The following RABGAP1L variants were observed in gnomAD, a reference collection of about 807,000 sequenced individuals.
The protein encoded by RABGAP1L is rab GTPase-activating protein 1-like.
In RABGAP1L, 63 loss-of-function variants were observed where a neutral mutation model predicts 137.7. The observed-to-expected ratio is 0.46, with a 90% confidence interval of 0.37 to 0.56. RABGAP1L has a LOEUF of 0.56. Among genes scored for constraint, RABGAP1L ranks in the 20% least tolerant of loss-of-function variants. The probability of loss-of-function intolerance (pLI) is 0.00; values close to 1 mark genes in which losing one functional copy is unlikely to be tolerated. For synonymous variants in RABGAP1L, 431 were observed against 433.7 expected, an observed-to-expected ratio of 0.99 and a Z score of 0.08; for missense variants, 1,095 against 1,244.0, an observed-to-expected ratio of 0.88 and a Z score of 1.80.
intron 13 of RABGAP1L, among the ~76,000 whole-genome samples, chr1:174,442,408 C>A (rs1037856091): frequency 6.6e-6 from 1 of 152,014 alleles, no homozygotes; most frequent in East Asian, 1.9e-4. Context: ...ATGTATCTTA[C>A]AAACGTCTCA....
chr1:174,327,998 T>C (rs867985810), intron 11 of RABGAP1L, among the ~76,000 whole-genome samples: 50 of 90,102 alleles, frequency 5.5e-4, no homozygotes, highest in Admixed American at 1.2e-3. Flanking sequence ...TATATATATA[T>C]ATATATATAT....
At chr1:174,623,311 C>G (rs921540613) in intron 13 of RABGAP1L, among the ~76,000 whole-genome samples, 1 of 152,142 alleles carries the variant, frequency 6.6e-6, no homozygotes, top group African/African-American at 2.4e-5. Flanking sequence ...TTTGTGGAGT[C>G]TAACCAACAG....
At chr1:174,771,244 C>A (rs1337201578) in intron 18 of RABGAP1L, among the ~76,000 whole-genome samples, 1 of 152,202 alleles carries the variant, frequency 6.6e-6, no homozygotes, top group African/African-American at 2.4e-5. Context: ...AATCATCTAA[C>A]CTTTTAACAC....
At chr1:174,922,909 C>T (rs1023763747) in intron 19 of RABGAP1L, among the ~76,000 whole-genome samples, 13 of 152,160 alleles carry the variant, frequency 8.5e-5, no homozygotes, top group African/African-American at 3.1e-4. Flanking sequence ...CACAGTGGCT[C>T]ATGCCTAGAA....
At chr1:174,849,022 C>G (rs937638595) in intron 19 of RABGAP1L, among the ~76,000 whole-genome samples, 12 of 151,678 alleles carry the variant, frequency 7.9e-5, no homozygotes, top group East Asian at 3.9e-4. Context: ...TTCTTTGACT[C>G]AGAAAGGGAA....
chr1:174,613,096 T>C (rs1363111499), intron 13 of RABGAP1L, among the ~76,000 whole-genome samples: 1 of 150,572 alleles, frequency 6.6e-6, no homozygotes, highest in East Asian at 1.9e-4. Context: ...TGCCTTCTGC[T>C]AGCTTTTGAA....
intron 13 of RABGAP1L, among the ~76,000 whole-genome samples, chr1:174,523,980 G>A (rs1663654237): frequency 6.6e-6 from 1 of 152,058 alleles, no homozygotes; most frequent in Admixed American, 6.6e-5. Flanking sequence ...TCCTTTTATG[G>A]CTGAGTAGTC....
At chr1:174,623,428 A>T (rs372539519) in intron 13 of RABGAP1L, among the ~76,000 whole-genome samples, 8 of 152,174 alleles carry the variant, frequency 5.3e-5, no homozygotes, top group South Asian at 2.1e-4. Flanking sequence ...AAACATGCTC[A>T]TGGAAGCTGA....
At chr1:174,865,035 G>A (rs1044940515) in intron 19 of RABGAP1L, among the ~76,000 whole-genome samples, 4 of 152,138 alleles carry the variant, frequency 2.6e-5, no homozygotes, top group Non-Finnish European at 5.9e-5. Context: ...GAGGATCACC[G>A]AAGCCCGGGA....
intron 13 of RABGAP1L, among the ~76,000 whole-genome samples, chr1:174,596,564 T>C (rs550926093): frequency 6.6e-6 from 1 of 152,342 alleles, no homozygotes; most frequent in East Asian, 1.9e-4. Flanking sequence ...TATATTGATT[T>C]TATATCCTGT....
At chr1:174,518,787 T>C (rs1226376942) in intron 13 of RABGAP1L, among the ~76,000 whole-genome samples, 3 of 152,222 alleles carry the variant, frequency 2.0e-5, no homozygotes, top group African/African-American at 7.2e-5. Flanking sequence ...ATTATGGCAG[T>C]AGCCTTCTTC....
At chr1:174,224,038 C>T (rs891089614) in intron 3 of RABGAP1L, among the ~76,000 whole-genome samples, 4 of 151,980 alleles carry the variant, frequency 2.6e-5, no homozygotes, top group Admixed American at 6.6e-5. Context: ...CTTAGTTGTA[C>T]ATAAAAATTA....
In RABGAP1L at chr1:174,542,434, G is replaced by A. The variant is rs190438699; in HGVS notation, c.1711-94941G>A. Among the ~76,000 whole-genome samples, 322 of 152,218 alleles carry A rather than the reference G, an allele frequency of 2.1e-3. 4 individuals carry two copies. The highest frequency in any genetic ancestry group is 7.2e-3 in the African/African-American group (298 of 41,546). On this transcript the variant is annotated intron_variant, in intron 13 of 25. Transcript: ENST00000681986. ...AGTTTGTATTTCTGTGGGATCTGTG[G>A]TGATATCCCCTTTATCATTTTTTAT...
Position 174,783,799 on chromosome 1 carries a change from C to G in RABGAP1L, c.2212-28033C>G, listed in dbSNP as rs554945245. On this transcript the variant is annotated intron_variant, in intron 18 of 25. Coordinates refer to ENST00000681986, the MANE Select transcript of RABGAP1L (RefSeq NM_001366446.1). ...TCCCAGGTCACTGCAACCTCCACCT[C>G]CCGAGTTCAAGTGATTCTCCTGCCT... Among the ~76,000 whole-genome samples, 3 of 147,588 alleles carry G rather than the reference C, an allele frequency of 2.0e-5. No homozygotes were observed. In the Admixed American group the frequency reaches 2.1e-4, roughly 10 times the overall value.
chr1:174,747,273 C>T (rs1683947016), intron 17 of RABGAP1L, among the ~76,000 whole-genome samples: 1 of 151,838 alleles, frequency 6.6e-6, no homozygotes, highest in African/African-American at 2.4e-5. Context: ...TATGGTGGCA[C>T]ACACATGTAG....
chr1:174,987,411 C>T (rs1671686896), intron 24 of RABGAP1L, among the ~76,000 whole-genome samples: 1 of 152,130 alleles, frequency 6.6e-6, no homozygotes, highest in Non-Finnish European at 1.5e-5. Flanking sequence ...GTGATCCACC[C>T]ACCTTAGCCT....
intron 19 of RABGAP1L, among the ~76,000 whole-genome samples, chr1:174,876,126 A>G (rs549414539): frequency 7.9e-5 from 12 of 152,324 alleles, no homozygotes; most frequent in African/African-American, 2.9e-4. Context: ...TAGATGAAAA[A>G]AATACTTTTG....
chr1:174,645,398 C>T (rs951349108), intron 14 of RABGAP1L, among the ~76,000 whole-genome samples: 52 of 151,182 alleles, frequency 3.4e-4, no homozygotes, highest in African/African-American at 1.2e-3. Flanking sequence ...AGCCCCCCAC[C>T]CCCCAACAGG....
At chr1:174,440,521 C>A (rs1654005417) in intron 13 of RABGAP1L, among the ~76,000 whole-genome samples, 2 of 152,094 alleles carry the variant, frequency 1.3e-5, no homozygotes, top group African/African-American at 4.8e-5. Context: ...CCTTTTGGTA[C>A]ATTTTTAAAT....
Sources: allele counts gnomAD v4.1 joint callset (sites outside exome capture counted in the v4.1 genomes callset), GRCh38; gene constraint gnomAD v4.1.1; transcripts MANE v1.5; gene names NCBI Gene and HGNC (gene_info 2026-07-23, HGNC 2026-07-21).